Variants in NINL observed in about 807,000 individuals in gnomAD.
NINL encodes ninein like.
A neutral mutation model predicts 160.3 loss-of-function variants in NINL; 153 were observed. That is an observed-to-expected ratio of 0.95 (90% CI 0.84 to 1.09). The LOEUF (loss-of-function observed/expected upper bound fraction) is 1.09, where lower values mean the gene tolerates loss of function less well. Among genes scored for constraint, NINL ranks in the 50% least tolerant of loss-of-function variants. The pLI, the probability that NINL is intolerant of heterozygous loss-of-function variation, is 0.00. For synonymous variants in NINL, 800 were observed against 734.8 expected (o/e 1.09, Z -1.43); for missense variants, 1,829 against 1,764.0 (o/e 1.04, Z -0.66).
At chr20:25,514,251 G>C (rs568220173) in intron 3 of NINL, among the ~76,000 whole-genome samples, 68 of 152,198 alleles carry the variant, frequency 4.5e-4, no homozygotes, top group Non-Finnish European at 6.9e-4. Context: ...AAAGAGCCTG[G>C]TGGCTTGCAC....
chr20:25,573,796 T>A (rs1200882059), intron 1 of NINL, among the ~76,000 whole-genome samples: 1 of 152,238 alleles, frequency 6.6e-6, no homozygotes, highest in Non-Finnish European at 1.5e-5. Context: ...ATGGAACCAT[T>A]TCTAAGTCTG....
In NINL at chr20:25,478,971, G is replaced by A; in HGVS notation, c.2153C>T (p.Ala718Val). ...ATGCCGCAGGGCCAGGCCACACAGT[G>A]CCTGGGTGCAGCAGGGTGCCAGGCC... ...QMGLAPCCTQ[A>V]LCGLALRHHS... Residue 718 changes from alanine (A) to valine (V), a missense_variant, in exon 16 of 24, where the codon GCA (alanine) becomes GTA (valine). Coordinates refer to ENST00000278886, the MANE Select transcript of NINL (RefSeq NM_025176.6). 2 of 1,596,876 alleles carry A rather than the reference G, an allele frequency of 1.3e-6. No individual in the cohort carries two copies. The highest frequency in any genetic ancestry group is 1.7e-6 in the Non-Finnish European group (2 of 1,173,404).
chr20:25,501,005 T>C lies in NINL; in HGVS notation c.867A>G (p.Pro289=), dbSNP rs1204633208. 6.2e-7 allele frequency: 1 copy of C among 1,613,734 alleles called. No individual in the cohort carries two copies. The highest frequency in any genetic ancestry group is 1.3e-5 in the African/African-American group (1 of 74,934). Residue 289 remains proline, a synonymous_variant, in exon 8 of 24, where the codon CCA becomes CCG. Coordinates refer to ENST00000278886, the MANE Select transcript of NINL (RefSeq NM_025176.6). ...PSKAWSHYQV[P]EESGCHTTTT... is the part of the protein sequence containing the mutation. Reference sequence around the variant, plus strand: ...TGGTGGTGTGGCAGCCGCTCTCCTCTGGGACCTGCATGTCAGGAAGACTTC... The same window carrying C: ...TGGTGGTGTGGCAGCCGCTCTCCTCCGGGACCTGCATGTCAGGAAGACTTC...
chr20:25,584,880 G>C (rs921916028), intron 1 of NINL, among the ~76,000 whole-genome samples: 1 of 152,248 alleles, frequency 6.6e-6, no homozygotes, highest in Non-Finnish European at 1.5e-5. Flanking sequence ...GGGAGGAAAG[G>C]GGCGAATCTG....
intron 1 of NINL, among the ~76,000 whole-genome samples, chr20:25,571,189 A>G (rs2065051213): frequency 6.6e-6 from 1 of 152,212 alleles, no homozygotes; most frequent in African/African-American, 2.4e-5. Context: ...AATATCCAGA[A>G]AAAGGAAGGC....
intron 5 of NINL, among the ~76,000 whole-genome samples, chr20:25,508,299 C>T (rs1400371000): frequency 6.6e-6 from 1 of 152,364 alleles, no homozygotes; most frequent in African/African-American, 2.4e-5. Context: ...TGTTTCTGCA[C>T]AGTCAGCCCA....
chr20:25,481,081 C>G (rs2063378146), intron 14 of NINL, among the ~76,000 whole-genome samples: 1 of 152,152 alleles, frequency 6.6e-6, no homozygotes. Context: ...CGACTAGGCT[C>G]CCCTATGAGG....
At position 25,462,538 on chromosome 20, in the gene NINL, G is replaced by T. The variant is rs746470710; in HGVS notation, c.3427C>A (p.Gln1143Lys). ...TGGGATAATTGATCCTTGTAGTTCTGATTCTGGGGGAAAAAGTTTTTAAAT... is the reference window on the plus strand; with the variant it reads ...TGGGATAATTGATCCTTGTAGTTCTTATTCTGGGGGAAAAAGTTTTTAAAT... ...SEMEVLNRQN[Q>K]NYKDQLSQLN... is the part of the protein sequence containing the mutation. The change falls in exon 20 of 24, where the codon CAG becomes AAG. Residue 1143 changes from glutamine (Q) to lysine (K), a missense_variant. Physicochemically the swap from Gln to Lys is moderately conservative, Grantham distance 53 (BLOSUM62 1). Transcript: ENST00000278886. The T allele has an allele frequency of 1.4e-5, 22 of 1,599,166 alleles. No individual in the cohort carries two copies. Among genetic ancestry groups the T allele is most frequent in the Non-Finnish European group, 1.9e-5 (22 of 1,175,384 alleles).
intron 1 of NINL, among the ~76,000 whole-genome samples, chr20:25,528,578 A>G (rs2064397657): frequency 6.6e-6 from 1 of 152,306 alleles, no homozygotes; most frequent in Middle Eastern, 3.4e-3. Context: ...ACACATTTAT[A>G]TTTCCTATTT....
intron 1 of NINL, among the ~76,000 whole-genome samples, chr20:25,530,940 A>C (rs1364604663): frequency 1.3e-5 from 2 of 152,120 alleles, no homozygotes; most frequent in Non-Finnish European, 2.9e-5. Flanking sequence ...AACCGGTCTG[A>C]CGAAAATTTT....
intron 3 of NINL, 112 bp from the exon 4 acceptor site, chr20:25,513,118 A>C (rs2064104579): frequency 2.0e-6 from 2 of 1,025,142 alleles, no homozygotes; most frequent in Admixed American, 2.5e-5. Context: ...TGTGCCCCTC[A>C]AACACGTACT....
At chr20:25,584,588 T>A (rs376862172) in intron 1 of NINL, among the ~76,000 whole-genome samples, 3 of 152,370 alleles carry the variant, frequency 2.0e-5, no homozygotes, top group African/African-American at 7.2e-5. Flanking sequence ...CCATTACTCA[T>A]GACCCCTCTT....
Position 25,489,165 on chromosome 20 carries a change from T to C in NINL, c.1677+79A>G, listed in dbSNP as rs1455144976. ...AGGCTCTCCCTGGAGCAGACACTCC[T>C]GCGTTACTGTGGACCACCTGCGTGT... On this transcript the variant is annotated intron_variant, in intron 13 of 23. Transcript: ENST00000278886. 33 of 1,325,558 alleles carry C rather than the reference T, an allele frequency of 2.5e-5. No homozygotes were observed. The Admixed American group carries it at 5.5e-4, about 22-fold the overall frequency. 82.1% of individuals were successfully genotyped at this position (1,325,558 alleles called of 1,614,324 possible). A position where few individuals can be genotyped will look rare whatever the true frequency, so the allele number is the denominator to read the frequency against.
Position 25,524,958 on chromosome 20 carries a change from C to T in NINL, c.180+1450G>A, listed in dbSNP as rs569824818. ...ATATATATATATATAAATAAATAAA[C>T]GGGACCATCTGTCTGTATTGCTTAA... On this transcript the variant is annotated intron_variant, in intron 2 of 23. Transcript: ENST00000278886. 1.5e-4 allele frequency among the ~76,000 whole-genome samples: 22 copies of T among 148,446 alleles called. No homozygotes were observed. The East Asian group carries it at 1.6e-3, about 11-fold the overall frequency.
chr20:25,491,584 G>C lies in NINL; in HGVS notation c.1311-59C>G, dbSNP rs1261451674. The stretch of plus-strand genomic sequence containing the variant: ...TCATGTCAGGGCTGCCCAGGCCCAC[G>C]CCACCCCCTTCCTAGCCTCCTCCCT... On this transcript the variant is annotated intron_variant, in intron 10 of 23. Transcript: ENST00000278886. 2.6e-6 allele frequency: 4 copies of C among 1,560,724 alleles called. No individual in the cohort carries two copies. In the African/African-American group the frequency reaches 4.1e-5, roughly 16 times the overall value.
At chr20:25,531,719 C>A (rs997562575) in intron 1 of NINL, among the ~76,000 whole-genome samples, 1 of 152,178 alleles carries the variant, frequency 6.6e-6, no homozygotes, top group Non-Finnish European at 1.5e-5. Context: ...CCTGACCATG[C>A]CCCAAAAGCT....
intron 4 of NINL, 119 bp downstream of exon 4, chr20:25,512,715 G>T: frequency 7.8e-7 from 1 of 1,282,542 alleles, no homozygotes; most frequent in Non-Finnish European, 1.1e-6. Context: ...GACTCAGGGT[G>T]CCTGAGACGG....
At chr20:25,453,784 T>C (rs1037476988) in intron 23 of NINL, 142 bp from the exon 24 acceptor site, 22 of 676,218 alleles carry the variant, frequency 3.3e-5, no homozygotes, top group South Asian at 4.7e-5. Context: ...GGGGCAGTGG[T>C]TCACGCCTGT....
At position 25,491,469 on chromosome 20, in the gene NINL, G is replaced by A. The variant is rs141376094; in HGVS notation, c.1367C>T (p.Ala456Val). 642 of 1,613,996 alleles carry A rather than the reference G, an allele frequency of 4.0e-4. 4 individuals are homozygous for A. The African/African-American group carries it at 7.0e-3, about 18-fold the overall frequency. Residue 456 changes from alanine to valine, a missense_variant, in exon 11 of 24, where the codon GCG (alanine) becomes GTG (valine). Physicochemically the swap from Ala to Val is moderately conservative, Grantham distance 64. Transcript: ENST00000278886. ...RLSLLRSEVEAERELFWEQAH... is the reference protein window; with the variant it reads ...RLSLLRSEVEVERELFWEQAH... ...CTGCTCCCAGAACAGCTCTCGCTCC[G>A]CCTCCACCTCAGACCGCAGGAGGCT...
Sources: gnomAD v4.1 joint callset for allele counts (sites outside exome capture counted in the v4.1 genomes callset) on GRCh38, gnomAD v4.1.1 for gene constraint, MANE v1.5 for transcripts, NCBI Gene and HGNC (gene_info 2026-07-23, HGNC 2026-07-21) for gene names.